PADI4: variants seen among roughly 807,000 people sequenced by gnomAD.
PADI4 encodes the protein protein-arginine deiminase type-4.
In PADI4, 62 loss-of-function variants were observed where a neutral mutation model predicts 75.0. The observed-to-expected ratio is 0.83, with a 90% CI of 0.67 to 1.02. The LOEUF (loss-of-function observed/expected upper bound fraction) is 1.02. Among genes scored for constraint, PADI4 ranks in the 50% least tolerant of loss-of-function variants. The probability of loss-of-function intolerance (pLI) is 0.00; values close to 1 mark genes in which losing one functional copy is unlikely to be tolerated. For synonymous variants in PADI4, 361 were observed against 348.1 expected (o/e 1.04, Z -0.41); for missense variants, 845 against 850.5 (o/e 0.99, Z 0.08).
chr1:17,325,733 G>T (rs1338465329), intron 1 of PADI4, among the ~76,000 whole-genome samples: 1 of 148,286 alleles, frequency 6.7e-6, no homozygotes, highest in Non-Finnish European at 1.5e-5. Context: ...TTTTTAAACA[G>T]AGTCTCACTC....
In PADI4 at chr1:17,342,253, T is replaced by C. The variant is rs201072348; in HGVS notation, c.832-46T>C. ...GCAGGAAGTGGTAGGTGCTGGGCCC[T>C]GGCAGCGGTGACAGCCCCTCCTTCC... On this transcript the variant is annotated intron_variant, in intron 7 of 15. Coordinates refer to ENST00000375448, the MANE Select transcript of PADI4 (RefSeq NM_012387.3). 2.8e-5 allele frequency: 40 copies of C among 1,427,852 alleles called. No homozygotes were observed. The African/African-American group carries it at 5.2e-4, about 18-fold the overall frequency. 88.4% of individuals were successfully genotyped at this position (1,427,852 alleles called of 1,614,324 possible).
chr1:17,314,723 G>T (rs986484557), intron 1 of PADI4, among the ~76,000 whole-genome samples: 30 of 152,206 alleles, frequency 2.0e-4, no homozygotes, highest in African/African-American at 7.2e-4. Flanking sequence ...TCCCTTCGAG[G>T]CTGCCTGCTG....
intron 10 of PADI4, among the ~76,000 whole-genome samples, chr1:17,351,588 A>G (rs907426346): frequency 6.8e-6 from 1 of 146,510 alleles, no homozygotes; most frequent in African/African-American, 2.6e-5. Context: ...TGGCATGGGC[A>G]ATAGGAGTAA....
At position 17,346,826 on chromosome 1, in the gene PADI4, G is replaced by A. The variant is rs148422950; in HGVS notation, c.1047+687G>A. Among the ~76,000 whole-genome samples the A allele has an allele frequency of 4.1e-4, 62 of 151,562 alleles. No homozygotes were observed. Among genetic ancestry groups the A allele is most frequent in the African/African-American group, 1.3e-3 (55 of 41,262 alleles). ...CCATCCCCCATCTCCAATCCATACC[G>A]GTGAATCCCAGCACAAATGCTCCTC... On this transcript the variant is annotated intron_variant, in intron 9 of 15. Coordinates refer to ENST00000375448, the MANE Select transcript of PADI4 (RefSeq NM_012387.3). This position sits in a 1 kb window ranked among gnomAD's most constrained non-coding sequence, Gnocchi z 4.3.
chr1:17,334,522 C>G (rs1029140913), intron 3 of PADI4: 4 of 449,752 alleles, frequency 8.9e-6, no homozygotes, highest in Admixed American at 2.4e-5. Context: ...AGGCTGGTCT[C>G]GAACTTCTGA....
intron 14 of PADI4, 56 bp downstream of exon 14, chr1:17,358,964 C>T: frequency 4.1e-6 from 5 of 1,221,466 alleles, no homozygotes; most frequent in East Asian, 2.4e-5. Context: ...CCCGGCTCAG[C>T]CACTTTCCCA....
At chr1:17,358,629 GAAC>G (rs373802848) in intron 13 of PADI4, among the ~76,000 whole-genome samples, 6 of 150,616 alleles carry the variant, frequency 4.0e-5, no homozygotes, top group African/African-American at 9.8e-5. Flanking sequence ...AATGAGGTGA[GAAC>G]AACATTTTTA....
At chr1:17,334,931 C>T (rs1613229) in intron 3 of PADI4, 19,420 of 230,706 alleles carry the variant, frequency 0.084, 895 homozygotes, top group African/African-American at 0.12. Flanking sequence ...CGCTTGAGCC[C>T]AGGAGTTTGA....
chr1:17,310,820 G>A (rs1017357798), intron 1 of PADI4, among the ~76,000 whole-genome samples: 4 of 151,956 alleles, frequency 2.6e-5, no homozygotes, highest in Non-Finnish European at 4.4e-5. Flanking sequence ...AAAATTAGAC[G>A]GGGCGCAATG....
intron 15 of PADI4, among the ~76,000 whole-genome samples, chr1:17,361,287 C>A (rs538664204): frequency 6.6e-6 from 1 of 152,340 alleles, no homozygotes; most frequent in East Asian, 1.9e-4. Context: ...TGACCCCAAG[C>A]GTTTTGTTTC....
intron 4 of PADI4, among the ~76,000 whole-genome samples, chr1:17,337,747 T>G (rs1310785069): frequency 6.6e-6 from 1 of 151,890 alleles, no homozygotes; most frequent in East Asian, 2.0e-4. Context: ...AAATCCCATC[T>G]CTACTAAAAA....
In PADI4 at chr1:17,339,813, C is replaced by A. The variant is rs745658258; in HGVS notation, c.652C>A (p.Arg218=). The change falls in exon 6 of 16, where the codon CGG becomes AGG. Residue 218 remains arginine (R), a splice_region_variant and synonymous_variant. Coordinates refer to ENST00000375448, the MANE Select transcript of PADI4 (RefSeq NM_012387.3). The part of the protein sequence containing the change: ...MDKVRVFQAT[R]GKLSSKCSVV... ...CAAAGTGAGGGTGTTTCAGGCCACA[C>A]GTAAGTCATCCCCATCTTTGTTCCC... The A allele has an allele frequency of 1.9e-6, 3 of 1,599,410 alleles. No homozygotes were observed. Among genetic ancestry groups the A allele is most frequent in the African/African-American group, 2.7e-5 (2 of 74,560 alleles).
chr1:17,341,288 A>T lies in PADI4; in HGVS notation c.653-655A>T, dbSNP rs184701092. ...TAATTTTTTTGTGTTTTTAGTAGAG[A>T]TGGGCTTTCACCATGTTGGCCAGGC... On this transcript the variant is annotated intron_variant, in intron 6 of 15. Coordinates refer to ENST00000375448, the MANE Select transcript of PADI4 (RefSeq NM_012387.3). Among the ~76,000 whole-genome samples, 10 of 152,104 alleles carry T rather than the reference A, an allele frequency of 6.6e-5. No homozygotes were observed. In the East Asian group the frequency reaches 1.9e-3, roughly 29 times the overall value.
At chr1:17,314,289 G>T (rs2501806) in intron 1 of PADI4, among the ~76,000 whole-genome samples, 7,050 of 152,284 alleles carry the variant, frequency 0.046, 189 homozygotes, top group African/African-American at 0.068. Context: ...CAGTTGGAAG[G>T]CCTGGCTTAT....
chr1:17,315,624 A>G (rs2073919379), intron 1 of PADI4, among the ~76,000 whole-genome samples: 1 of 151,914 alleles, frequency 6.6e-6, no homozygotes, highest in Non-Finnish European at 1.5e-5. Flanking sequence ...TTTTGCTTCC[A>G]TGGCCCTTCG....
At chr1:17,343,738 C>T (rs114006045) in intron 8 of PADI4, among the ~76,000 whole-genome samples, 163 of 152,294 alleles carry the variant, frequency 1.1e-3, no homozygotes, top group Non-Finnish European at 1.5e-3. Context: ...ACTTTTGCAT[C>T]TTGCTCATTT....
chr1:17,324,087 G>A (rs1231430538), intron 1 of PADI4, among the ~76,000 whole-genome samples: 1 of 150,670 alleles, frequency 6.6e-6, no homozygotes, highest in Non-Finnish European at 1.5e-5. Context: ...AGATTCTCCA[G>A]AGTATCTGCC....
intron 10 of PADI4, among the ~76,000 whole-genome samples, chr1:17,351,285 A>AG (rs2074615024): frequency 6.6e-6 from 1 of 151,122 alleles, no homozygotes; most frequent in African/African-American, 2.4e-5. Flanking sequence ...GTGGTAGGGA[A>AG]GGTGGATTAG....
rs1215549094 is a variant in PADI4, at chr1:17,345,474, T to A, written c.936-554T>A. ...TGGAGGGGCCAGGGGCAGGATGATA[T>A]GCTTTGGTTCTGTGTCCCCACCCAA... On this transcript the variant is annotated intron_variant, in intron 8 of 15. Transcript: ENST00000375448. 1.6e-4 allele frequency among the ~76,000 whole-genome samples: 24 copies of A among 152,178 alleles called. 1 individual carries two copies. Among genetic ancestry groups the A allele is most frequent in the African/African-American group, 2.4e-5 (1 of 41,444 alleles).
Sources: gnomAD v4.1 joint callset for allele counts (sites outside exome capture counted in the v4.1 genomes callset) on GRCh38, gnomAD v4.1.1 for gene constraint, Gnocchi (gnomAD v3.1) non-coding constraint, MANE v1.5 for transcripts, NCBI Gene and HGNC (gene_info 2026-07-23, HGNC 2026-07-21) for gene names.